Variants in KCNH8 observed in about 807,000 individuals in gnomAD.
KCNH8 encodes the protein voltage-gated delayed rectifier potassium channel KCNH8.
In KCNH8, 70 loss-of-function variants were observed where a neutral mutation model predicts 103.6. That is an observed-to-expected ratio of 0.68 (90% CI 0.56 to 0.82). The LOEUF (loss-of-function observed/expected upper bound fraction) is 0.82. Among genes scored for constraint, KCNH8 ranks in the 40% least tolerant of loss-of-function variants. The pLI, the probability that KCNH8 is intolerant of heterozygous loss-of-function variation, is 0.00. For synonymous variants in KCNH8, 498 were observed against 489.4 expected (o/e 1.02, Z -0.23); for missense variants, 1,217 against 1,329.9 (o/e 0.92, Z 1.32).
At chr3:19,343,175 C>A (rs1044370300) in intron 4 of KCNH8, among the ~76,000 whole-genome samples, 1 of 152,044 alleles carries the variant, frequency 6.6e-6, no homozygotes, top group African/African-American at 2.4e-5. Context: ...CATTAAAAAA[C>A]TTACATTTTA....
chr3:19,332,209 C>T (rs1054518653), intron 3 of KCNH8, among the ~76,000 whole-genome samples: 4 of 152,124 alleles, frequency 2.6e-5, no homozygotes, highest in Non-Finnish European at 4.4e-5. Flanking sequence ...TCTATCACTA[C>T]AAAAATCTCC....
At chr3:19,349,093 C>G (rs2065765740) in intron 5 of KCNH8, among the ~76,000 whole-genome samples, 1 of 151,692 alleles carries the variant, frequency 6.6e-6, no homozygotes, top group Admixed American at 6.6e-5. Flanking sequence ...TGCTGTCACC[C>G]CAGAAGTGGT....
chr3:19,411,472 T>G (rs1349840528), intron 7 of KCNH8, among the ~76,000 whole-genome samples: 1 of 151,936 alleles, frequency 6.6e-6, no homozygotes, highest in Non-Finnish European at 1.5e-5. Flanking sequence ...AGGATAGCTA[T>G]TCTCCCACCT....
chr3:19,468,880 A>T (rs563423641), intron 11 of KCNH8, among the ~76,000 whole-genome samples: 58 of 152,336 alleles, frequency 3.8e-4, no homozygotes, highest in African/African-American at 1.3e-3. Context: ...CTTGATGCCT[A>T]TGTGACTATA....
intron 1 of KCNH8, among the ~76,000 whole-genome samples, chr3:19,158,654 G>A (rs1177516397): frequency 2.0e-5 from 3 of 151,762 alleles, no homozygotes; most frequent in South Asian, 4.1e-4. Context: ...CTTTGCAATT[G>A]CTATGTAAAA....
intron 3 of KCNH8, among the ~76,000 whole-genome samples, chr3:19,323,856 G>A (rs1021742934): frequency 2.0e-5 from 3 of 152,166 alleles, no homozygotes; most frequent in African/African-American, 4.8e-5. Context: ...GATGTGATTC[G>A]TCTTCAGGTC....
intron 11 of KCNH8, among the ~76,000 whole-genome samples, chr3:19,484,706 G>A (rs1006661635): frequency 2.6e-5 from 4 of 152,120 alleles, no homozygotes; most frequent in African/African-American, 9.7e-5. Context: ...AAGGGGCTAC[G>A]TTCCAGTCCT....
intron 2 of KCNH8, among the ~76,000 whole-genome samples, chr3:19,254,238 G>A (rs1025998613): frequency 6.6e-6 from 1 of 151,594 alleles, no homozygotes; most frequent in Non-Finnish European, 1.5e-5. Context: ...TTTTATCCAG[G>A]AGTATTTCTC....
At chr3:19,243,400 A>C (rs971605383) in intron 1 of KCNH8, among the ~76,000 whole-genome samples, 14 of 152,194 alleles carry the variant, frequency 9.2e-5, no homozygotes, top group African/African-American at 3.1e-4. Flanking sequence ...ACAGCCATGG[A>C]ATAGCTGTGA....
At chr3:19,490,595 C>T (rs754242733) in intron 11 of KCNH8, among the ~76,000 whole-genome samples, 2 of 152,272 alleles carry the variant, frequency 1.3e-5, no homozygotes, top group African/African-American at 2.4e-5. Flanking sequence ...GGTGTGGCAC[C>T]GGGTTGTCTG....
chr3:19,473,904 G>A (rs1354007797), intron 11 of KCNH8, among the ~76,000 whole-genome samples: 4 of 152,142 alleles, frequency 2.6e-5, no homozygotes, highest in Admixed American at 2.6e-4. Flanking sequence ...GATATGTTAG[G>A]ACTTTTTAAA....
chr3:19,433,237 A>G (rs1441238524), intron 7 of KCNH8, among the ~76,000 whole-genome samples: 1 of 152,202 alleles, frequency 6.6e-6, no homozygotes, highest in Non-Finnish European at 1.5e-5. Context: ...CTAACAGTAT[A>G]TAATATTGCT....
At chr3:19,211,031 C>G (rs1034659643) in intron 1 of KCNH8, among the ~76,000 whole-genome samples, 11 of 152,090 alleles carry the variant, frequency 7.2e-5, no homozygotes, top group Non-Finnish European at 1.2e-4. Flanking sequence ...TTTCAGTTCT[C>G]CTATACAGTC....
chr3:19,258,572 T>C (rs1229909656), intron 2 of KCNH8, among the ~76,000 whole-genome samples: 3 of 152,042 alleles, frequency 2.0e-5, no homozygotes, highest in Admixed American at 6.6e-5. Context: ...ACCTGAATCC[T>C]GAACTTAACA....
At chr3:19,283,263 T>C (rs113122300) in intron 3 of KCNH8, among the ~76,000 whole-genome samples, 171 of 152,258 alleles carry the variant, frequency 1.1e-3, no homozygotes, top group African/African-American at 3.9e-3. Context: ...AATAACAAAG[T>C]AATCCAAAAT....
chr3:19,480,494 A>G (rs1438920803), intron 11 of KCNH8, among the ~76,000 whole-genome samples: 1 of 152,266 alleles, frequency 6.6e-6, no homozygotes, highest in Non-Finnish European at 1.5e-5. Context: ...TTCTAATATT[A>G]GGAACTTTTA....
intron 11 of KCNH8, among the ~76,000 whole-genome samples, chr3:19,483,743 C>A (rs2068139405): frequency 6.6e-6 from 1 of 152,130 alleles, no homozygotes; most frequent in African/African-American, 2.4e-5. Flanking sequence ...GATATTTACT[C>A]AAGGATCCAG....
chr3:19,149,811 A>G (rs537807663), intron 1 of KCNH8, among the ~76,000 whole-genome samples: 2 of 152,276 alleles, frequency 1.3e-5, no homozygotes, highest in East Asian at 3.9e-4. Context: ...ATTTATCCTA[A>G]AGTCCTTCTT....
intron 11 of KCNH8, among the ~76,000 whole-genome samples, chr3:19,472,449 T>C (rs148781669): frequency 1.4e-4 from 22 of 152,264 alleles, no homozygotes; most frequent in Admixed American, 5.9e-4. Flanking sequence ...GCTGTTCTTA[T>C]GATAGTGAAT....
Sources: allele counts gnomAD v4.1 joint callset (sites outside exome capture counted in the v4.1 genomes callset), GRCh38; gene constraint gnomAD v4.1.1; transcripts MANE v1.5; gene names NCBI Gene and HGNC (gene_info 2026-07-23, HGNC 2026-07-21).